Variants in PELP1 observed in about 807,000 individuals in gnomAD.
PELP1 encodes the protein proline-, glutamic acid- and leucine-rich protein 1.
Under a neutral mutation model 95.5 loss-of-function variants are expected in PELP1, and 32 were observed. That is an observed-to-expected ratio of 0.34 (90% CI 0.25 to 0.45). PELP1 has a LOEUF of 0.45. Ranked by LOEUF, PELP1 falls within the 20% of genes least tolerant of loss-of-function variation. PELP1 has a pLI of 1.00. For missense variants in PELP1, 1,358 were observed against 1,444.8 expected (o/e 0.94, Z 0.97); for synonymous variants, 668 against 600.1 (o/e 1.11, Z -1.65).
intron 5 of PELP1, among the ~76,000 whole-genome samples, chr17:4,680,378 A>G (rs1339495828): frequency 6.6e-6 from 1 of 152,228 alleles, no homozygotes; most frequent in East Asian, 1.9e-4. Flanking sequence ...CCTGGGTCCA[A>G]GCAATTCTCC....
At chr17:4,679,198 T>G (rs567302122) in intron 5 of PELP1, among the ~76,000 whole-genome samples, 2 of 152,238 alleles carry the variant, frequency 1.3e-5, no homozygotes, top group Admixed American at 6.5e-5. Context: ...GCTAATTTTT[T>G]TGTATTTTTG....
intron 16 of PELP1, 27 bp from the exon 17 acceptor site, chr17:4,671,558 A>G: frequency 1.2e-6 from 2 of 1,612,934 alleles, no homozygotes; most frequent in Non-Finnish European, 1.7e-6. Context: ...TACAAGATTC[A>G]GAATAGTCAC....
chr17:4,686,456 T>C (rs1180600791), intron 3 of PELP1, among the ~76,000 whole-genome samples: 1 of 152,150 alleles, frequency 6.6e-6, no homozygotes, highest in African/African-American at 2.4e-5. Flanking sequence ...CTACATAGAG[T>C]TTCTGCTTCC....
intron 5 of PELP1, among the ~76,000 whole-genome samples, chr17:4,681,476 A>G (rs1261957857): frequency 6.6e-6 from 1 of 151,452 alleles, no homozygotes; most frequent in African/African-American, 2.4e-5. Context: ...ACACCACTGC[A>G]CTCCAGTCTG....
Position 4,672,979 on chromosome 17 carries a change from A to C in PELP1, c.2012T>G (p.Met671Arg), listed in dbSNP as rs1306586935. Reference sequence around the variant, plus strand: ...TGAGGGCATGGAGCCCACTGAGGGCATGGGGCCCGGAGGATGGAACGGTGG... The same window carrying C: ...TGAGGGCATGGAGCCCACTGAGGGCCTGGGGCCCGGAGGATGGAACGGTGG... ...RAPPFHPPGP[M>R]PSVGSMPSAG... is the part of the protein sequence containing the mutation. Residue 671 changes from methionine to arginine, a missense_variant, in exon 16 of 17, where the codon ATG (methionine) becomes AGG (arginine). Physicochemically the swap from Met to Arg is moderately conservative, Grantham distance 91. Around this residue, in one of 7 missense-constraint regions of PELP1, gnomAD observed 340 missense variants for 322.9 expected, o/e 1.05. Transcript: ENST00000572293. 6.3e-7 allele frequency: 1 copy of C among 1,581,360 alleles called. No homozygotes were observed. The highest frequency in any genetic ancestry group is 1.2e-5 in the South Asian group (1 of 85,796).
At position 4,675,143 on chromosome 17, in the gene PELP1, G is replaced by T; in HGVS notation, c.1210C>A (p.Gln404Lys). Residue 404 changes from glutamine (Q) to lysine (K), a missense_variant, in exon 11 of 17, where the codon CAG becomes AAG. By Grantham distance (53) the Gln-to-Lys change is moderately conservative. Coordinates refer to ENST00000572293, the MANE Select transcript of PELP1 (RefSeq NM_014389.3). This position sits in a 1 kb window ranked among gnomAD's most constrained non-coding sequence, Gnocchi z 4.3. ...FGILIGRLLP[Q>K]VLNSWSIGRD... ...CCGATGCTCCAGGAATTGAGGACCT[G>T]GGGAAGCAGGCGGCCGATCAGGATC... The T allele has an allele frequency of 6.2e-7, 1 of 1,613,954 alleles. No homozygotes were observed. Among genetic ancestry groups the T allele is most frequent in the Non-Finnish European group, 8.5e-7 (1 of 1,179,882 alleles).
At chr17:4,697,309 T>G (rs144116975) in intron 1 of PELP1, among the ~76,000 whole-genome samples, 1 of 152,102 alleles carries the variant, frequency 6.6e-6, no homozygotes, top group East Asian at 1.9e-4. Flanking sequence ...GCTCAAGAGT[T>G]CAAGACCAGC....
At position 4,672,768 on chromosome 17, in the gene PELP1, G is replaced by A. The variant is rs764712338; in HGVS notation, c.2223C>T (p.Ala741=). The A allele has an allele frequency of 6.2e-7, 1 of 1,613,678 alleles. No individual in the cohort carries two copies. ...TAGTAGGTGGGGGAGTCCCACTAGG[G>A]GCAAGGATGGGGTCCTCATTTGAGC... ...RAGSNEDPIL[A]PSGTPPPTIP... Residue 741 remains alanine, a synonymous_variant, in exon 16 of 17, where the codon GCC becomes GCT. Transcript: ENST00000572293.
rs778054183 is a variant in PELP1, at chr17:4,671,916, G to A, written c.3075C>T (p.Thr1025=). The A allele has an allele frequency of 5.3e-6, 8 of 1,517,624 alleles. No individual in the cohort carries two copies. The highest frequency in any genetic ancestry group is 7.0e-6 in the Non-Finnish European group (8 of 1,136,980). 94.0% of individuals were successfully genotyped at this position (1,517,624 alleles called of 1,614,324 possible). ...GGGAGGGGAGCGCTTCAGGGGCCAG[G>A]GTGGGAGCTGTGTCAGCCCCACGCT... ...EEERGADTAP[T]LAPEALPSQG... is the part of the protein sequence containing the mutation. Residue 1025 remains threonine (T), a synonymous_variant, in exon 16 of 17, where the codon ACC becomes ACT. Transcript: ENST00000572293.
At chr17:4,686,627 C>T (rs987655870) in intron 3 of PELP1, among the ~76,000 whole-genome samples, 2 of 152,168 alleles carry the variant, frequency 1.3e-5, no homozygotes, top group African/African-American at 4.8e-5. Context: ...GAGCAATTCT[C>T]CCACCTCAGC....
At chr17:4,684,874 T>A (rs1912850104) in intron 3 of PELP1, among the ~76,000 whole-genome samples, 1 of 152,122 alleles carries the variant, frequency 6.6e-6, no homozygotes, top group African/African-American at 2.4e-5. Context: ...TTAATTTTTG[T>A]ATTTTTAGTA....
chr17:4,671,753 G>A lies in PELP1; in HGVS notation c.3238C>T (p.Pro1080Ser), dbSNP rs781730300. ...ATCTCTTCTTCTGCAGGTGTCTCTG[G>A]TGGGGGCTGCACCTTGTCACTCCCA... ...EDGSDKVQPP[P>S]ETPAEEEMET... Residue 1080 changes from proline to serine, a missense_variant, in exon 16 of 17, where the codon CCA becomes TCA. Around this residue, in one of 7 missense-constraint regions of PELP1, gnomAD observed 283 missense variants for 284.1 expected, o/e 1.00. Transcript: ENST00000572293. 6 of 1,529,272 alleles carry A rather than the reference G, an allele frequency of 3.9e-6. No individual in the cohort carries two copies. In the Admixed American group the frequency reaches 9.0e-5, roughly 23 times the overall value. The allele number at this position is 1,529,272 out of a possible 1,614,324, so 94.7% of individuals were successfully genotyped here.
chr17:4,683,162 T>G (rs1912754776), intron 3 of PELP1: 2 of 1,045,312 alleles, frequency 1.9e-6, no homozygotes, highest in Non-Finnish European at 2.4e-6. Context: ...GGAATTTGTG[T>G]GGGGGAAAAA....
intron 5 of PELP1, among the ~76,000 whole-genome samples, chr17:4,678,754 T>C (rs574611901): frequency 2.6e-5 from 4 of 152,304 alleles, no homozygotes; most frequent in Admixed American, 1.3e-4. Context: ...TCTGCAGGAA[T>C]TGACCTCATG....
Position 4,675,366 on chromosome 17 carries a change from G to A in PELP1, c.1069-4C>T. The A allele has an allele frequency of 6.7e-7, 1 of 1,486,968 alleles. No homozygotes were observed. The highest frequency in any genetic ancestry group is 9.2e-7 in the Non-Finnish European group (1 of 1,089,454). 92.1% of individuals were successfully genotyped at this position (1,486,968 alleles called of 1,614,324 possible). A position where few individuals can be genotyped will look rare whatever the true frequency, so the allele number is the denominator to read the frequency against. The stretch of plus-strand genomic sequence containing the variant: ...GGGGACCATCTCCATGCAAGCTCTG[G>A]AGAAAAAAGGGGCAGAGATAAAGAG... On this transcript the variant is annotated splice_polypyrimidine_tract_variant and splice_region_variant and intron_variant, in intron 9 of 16. Transcript: ENST00000572293. This position sits in a 1 kb window ranked among gnomAD's most constrained non-coding sequence, Gnocchi z 4.3.
At chr17:4,680,858 T>C (rs531894253) in intron 5 of PELP1, among the ~76,000 whole-genome samples, 1 of 152,370 alleles carries the variant, frequency 6.6e-6, no homozygotes, top group African/African-American at 2.4e-5. Context: ...ACAACAAATG[T>C]GCCAATTACG....
At position 4,670,559 on chromosome 17, in the gene PELP1, C is replaced by G. The variant is rs1336551421; in HGVS notation, c.*880G>C. ...CCAACATGGTGAAACCCCACCTCTA[C>G]TAAAAATACAAAAATTAGCCAGGCA... On this transcript the variant is annotated 3_prime_UTR_variant, in exon 17 of 17. Coordinates refer to ENST00000572293, the MANE Select transcript of PELP1 (RefSeq NM_014389.3). 6.6e-6 allele frequency: 1 copy of G among 152,188 alleles called. No homozygotes were observed. Among genetic ancestry groups the G allele is most frequent in the Non-Finnish European group, 1.5e-5 (1 of 68,096 alleles). The allele number at this position is 152,188 out of a possible 1,614,324, so 9.4% of individuals were successfully genotyped here.
chr17:4,686,645 G>A (rs1912918612), intron 3 of PELP1, among the ~76,000 whole-genome samples: 1 of 152,120 alleles, frequency 6.6e-6, no homozygotes, highest in African/African-American at 2.4e-5. Context: ...AGCCTCCCAA[G>A]TAGCTGGGAT....
chr17:4,702,275 C>T (rs1265396426), intron 1 of PELP1, among the ~76,000 whole-genome samples: 2 of 152,014 alleles, frequency 1.3e-5, no homozygotes, highest in African/African-American at 2.4e-5. Context: ...AAAAATTAGC[C>T]GGGCATGGTG....
Sources: gnomAD v4.1 joint callset for allele counts (sites outside exome capture counted in the v4.1 genomes callset) on GRCh38, gnomAD v4.1.1 for gene constraint, gnomAD v4.1.1 regional missense constraint, Gnocchi (gnomAD v3.1) non-coding constraint, MANE v1.5 for transcripts, NCBI Gene and HGNC (gene_info 2026-07-23, HGNC 2026-07-21) for gene names.